Variants in VPS53 observed in about 807,000 individuals in gnomAD.
VPS53 encodes the protein VPS53 subunit of GARP complex.
VPS53 carries 70 observed loss-of-function variants against 107.0 expected under a neutral mutation model. That is an observed-to-expected ratio of 0.65 (90% CI 0.54 to 0.80). The LOEUF is 0.80. Among genes scored for constraint, VPS53 ranks in the 30% least tolerant of loss-of-function variants. VPS53 has a pLI of 0.00. For synonymous variants in VPS53, 409 were observed against 393.3 expected, an observed-to-expected ratio of 1.04 and a Z score of -0.47; for missense variants, 917 against 1,049.4, an observed-to-expected ratio of 0.87 and a Z score of 1.74.
intron 12 of VPS53, among the ~76,000 whole-genome samples, chr17:590,222 G>A (rs1015428685): frequency 3.9e-5 from 6 of 152,104 alleles, no homozygotes. Flanking sequence ...TTTGTACATT[G>A]ATTTTGTATC....
chr17:533,128 ATCCTAGAC>A (rs1332196810), intron 18 of VPS53: 1 of 675,816 alleles, frequency 1.5e-6, no homozygotes, highest in Non-Finnish European at 2.4e-6. Flanking sequence ...ACCGGATCCC[ATCCTAGAC>A]TCCCAGTGAA....
chr17:650,260 T>C lies in VPS53; in HGVS notation c.608+3031A>G, dbSNP rs184888986. On this transcript the variant is annotated intron_variant, in intron 7 of 21. Coordinates refer to ENST00000437048, the MANE Select transcript of VPS53 (RefSeq NM_001128159.3). Reference sequence around the variant, plus strand: ...TTGTAATCCCAGCACTTTGGGAGGATGAGGCAGGAGGATCACTTGAGCCCA... The same window carrying C: ...TTGTAATCCCAGCACTTTGGGAGGACGAGGCAGGAGGATCACTTGAGCCCA... Among the ~76,000 whole-genome samples the C allele has an allele frequency of 6.3e-4, 96 of 152,256 alleles. 3 individuals carry two copies. The East Asian group carries it at 0.017, about 26-fold the overall frequency.
At chr17:532,588 A>G (rs1056733773) in intron 19 of VPS53, 24 of 820,928 alleles carry the variant, frequency 2.9e-5, no homozygotes, top group Admixed American at 1.6e-4. Context: ...GAGTGTGAGC[A>G]CTAGGAGCAG....
At chr17:560,965 CAT>C (rs1425471006) in intron 14 of VPS53, among the ~76,000 whole-genome samples, 5 of 152,114 alleles carry the variant, frequency 3.3e-5, no homozygotes, top group South Asian at 2.1e-4. Flanking sequence ...CACTGGGACT[CAT>C]GTGTGCTGGT....
intron 13 of VPS53, among the ~76,000 whole-genome samples, chr17:564,417 G>A (rs969390471): frequency 6.6e-6 from 1 of 152,034 alleles, no homozygotes; most frequent in African/African-American, 2.4e-5. Flanking sequence ...GCGGGTGCCC[G>A]TAGTCCCAGC....
At chr17:677,555 T>C (rs988188058) in intron 4 of VPS53, among the ~76,000 whole-genome samples, 1 of 152,126 alleles carries the variant, frequency 6.6e-6, no homozygotes, top group African/African-American at 2.4e-5. Flanking sequence ...GGTTGTACAT[T>C]ATGAATGTAA....
intron 16 of VPS53, among the ~76,000 whole-genome samples, chr17:552,233 T>C (rs1911887538): frequency 6.6e-6 from 1 of 152,156 alleles, no homozygotes; most frequent in African/African-American, 2.4e-5. Flanking sequence ...TTCCCAAAAA[T>C]GTTTAAGTCA....
intron 18 of VPS53, among the ~76,000 whole-genome samples, chr17:533,816 G>A (rs1236905272): frequency 6.6e-6 from 1 of 151,790 alleles, no homozygotes; most frequent in Non-Finnish European, 1.5e-5. Flanking sequence ...AGATGCTCAA[G>A]TGAATGCACA....
chr17:687,249 G>C lies in VPS53; in HGVS notation c.285+10169C>G, dbSNP rs114605342. ...TGCAGTGAGCAGAGATCGTAACACG[G>C]CACTCCAGCCTGGGTGACACAGCAA... On this transcript the variant is annotated intron_variant, in intron 4 of 21. Coordinates refer to ENST00000437048, the MANE Select transcript of VPS53 (RefSeq NM_001128159.3). 6.0e-3 allele frequency among the ~76,000 whole-genome samples: 904 copies of C among 150,360 alleles called. 5 individuals are homozygous for C. The highest frequency in any genetic ancestry group is 0.02 in the African/African-American group (810 of 40,800).
intron 15 of VPS53, among the ~76,000 whole-genome samples, chr17:556,959 C>T (rs939518783): frequency 1.6e-4 from 9 of 54,946 alleles, no homozygotes; most frequent in Non-Finnish European, 3.6e-4. Context: ...GATACTGAAG[C>T]GGGGACCTGA....
intron 11 of VPS53, among the ~76,000 whole-genome samples, chr17:605,609 T>C (rs1377427490): frequency 2.0e-5 from 2 of 100,342 alleles, no homozygotes; most frequent in African/African-American, 7.9e-5. Flanking sequence ...GATGGGGGCC[T>C]GGGGTAAGAG....
chr17:597,932 A>G (rs1489780877), intron 12 of VPS53, among the ~76,000 whole-genome samples: 2 of 151,110 alleles, frequency 1.3e-5, no homozygotes, highest in African/African-American at 4.9e-5. Flanking sequence ...AAAGCCCACA[A>G]TACAAAATGA....
intron 19 of VPS53, among the ~76,000 whole-genome samples, chr17:529,966 A>G (rs1258789515): frequency 6.6e-6 from 1 of 151,790 alleles, no homozygotes; most frequent in Non-Finnish European, 1.5e-5. Context: ...GAGCCCACGA[A>G]TTGAGACTGC....
chr17:653,219 T>G, intron 7 of VPS53, 72 bp downstream of exon 7: 1 of 1,588,420 alleles, frequency 6.3e-7, no homozygotes, highest in Admixed American at 1.8e-5. Context: ...TTCCCTCTGG[T>G]GACAGTTTAC....
intron 5 of VPS53, chr17:657,358 C>T (rs1418509048): frequency 2.6e-6 from 2 of 768,254 alleles, no homozygotes; most frequent in Non-Finnish European, 2.4e-6. Context: ...ACCGTGCCAT[C>T]GATCTTAATG....
chr17:602,507 T>A (rs752497939), intron 11 of VPS53, among the ~76,000 whole-genome samples: 1 of 152,216 alleles, frequency 6.6e-6, no homozygotes, highest in Non-Finnish European at 1.5e-5. Flanking sequence ...GAAATCTCCT[T>A]GAGAAAATCG....
At chr17:615,673 T>C (rs1969104343) in intron 11 of VPS53, among the ~76,000 whole-genome samples, 1 of 152,226 alleles carries the variant, frequency 6.6e-6, no homozygotes, top group South Asian at 2.1e-4. Context: ...AGATATACCT[T>C]GGTTCGTTTC....
chr17:656,914 G>T (rs1256843375), intron 5 of VPS53: 4 of 1,434,696 alleles, frequency 2.8e-6, no homozygotes, highest in African/African-American at 1.4e-5. Context: ...TAGTGAAAAT[G>T]TTGGAAACTT....
intron 4 of VPS53, among the ~76,000 whole-genome samples, chr17:667,196 C>T (rs758904587): frequency 6.6e-6 from 1 of 152,064 alleles, no homozygotes; most frequent in Non-Finnish European, 1.5e-5. Context: ...GGGACTTTTG[C>T]CACACAATGG....
Sources: allele counts gnomAD v4.1 joint callset (sites outside exome capture counted in the v4.1 genomes callset), GRCh38; gene constraint gnomAD v4.1.1; transcripts MANE v1.5; gene names NCBI Gene and HGNC (gene_info 2026-07-23, HGNC 2026-07-21).